Variants in PABIR3 observed in about 807,000 individuals in gnomAD.
The protein encoded by PABIR3 is PABIR family member 1.
A neutral mutation model predicts 23.1 loss-of-function variants in PABIR3; 20 were observed. The observed-to-expected ratio is 0.86, with a 90% CI of 0.61 to 1.26. The LOEUF (loss-of-function observed/expected upper bound fraction) is 1.26, where lower values mean the gene tolerates loss of function less well. Ranked by LOEUF, PABIR3 falls within the 50% of genes most tolerant of loss-of-function variation. The pLI, the probability that PABIR3 is intolerant of heterozygous loss-of-function variation, is 0.00. For missense variants in PABIR3, 189 were observed against 195.4 expected, an observed-to-expected ratio of 0.97 and a Z score of 0.20; for synonymous variants, 69 against 68.5, an observed-to-expected ratio of 1.01 and a Z score of -0.04.
the PABIR3 span, among the ~76,000 whole-genome samples, chrX:134,861,817 A>C: frequency 8.9e-6 from 1 of 111,791 alleles, no homozygotes; most frequent in Non-Finnish European, 1.9e-5. Flanking sequence ...TGGTCAAGTA[A>C]GTTTGGAAAA....
At chrX:134,824,829 A>G (rs1379798119) in intron 3 of PABIR3, among the ~76,000 whole-genome samples, 1 of 112,170 alleles carries the variant, frequency 8.9e-6, no homozygotes, top group Non-Finnish European at 1.9e-5. Flanking sequence ...AAGAAAAAAA[A>G]TAAAAGATCA....
At chrX:134,819,027 C>A (rs1044731878) in intron 3 of PABIR3, among the ~76,000 whole-genome samples, 1 of 103,620 alleles carries the variant, frequency 9.7e-6, no homozygotes, top group Admixed American at 1.1e-4. Context: ...ACCTTCGCCT[C>A]CTGGGTTCAA....
At chrX:134,843,338 C>T (rs1002310429) in intron 4 of PABIR3, among the ~76,000 whole-genome samples, 1 of 109,122 alleles carries the variant, frequency 9.2e-6, no homozygotes, top group African/African-American at 3.3e-5. Flanking sequence ...ATGTTATCTT[C>T]TAAGAGATTT....
intron 4 of PABIR3, among the ~76,000 whole-genome samples, chrX:134,830,305 T>C (rs762342554): frequency 1.7e-4 from 18 of 106,872 alleles, no homozygotes; most frequent in African/African-American, 6.2e-4. Flanking sequence ...CAAGAAAGTA[T>C]GGTAAAAATG....
intron 2 of PABIR3, among the ~76,000 whole-genome samples, chrX:134,811,503 C>T (rs1296088857): frequency 9.1e-6 from 1 of 110,382 alleles, no homozygotes; most frequent in Non-Finnish European, 1.9e-5. Context: ...ATTCTCCTGC[C>T]TCAGCCTCCG....
intron 8 of PABIR3, among the ~76,000 whole-genome samples, chrX:134,848,220 G>A (rs977362390): frequency 3.6e-5 from 4 of 109,930 alleles, no homozygotes; most frequent in African/African-American, 6.6e-5. Context: ...GAGAAACCCC[G>A]TCTCTACTAA....
chrX:134,832,491 T>A (rs1422831185), intron 4 of PABIR3, among the ~76,000 whole-genome samples: 1 of 87,983 alleles, frequency 1.1e-5, no homozygotes, highest in Non-Finnish European at 2.1e-5. Flanking sequence ...AACCTCTGCC[T>A]CCCAGGTTCA....
chrX:134,847,790 C>A, intron 7 of PABIR3, 93 bp from the exon 8 acceptor site: 1 of 692,530 alleles, frequency 1.4e-6, no homozygotes, highest in Non-Finnish European at 2.2e-6. Context: ...CCCAGTCTCC[C>A]TCCCTACCAT....
chrX:134,845,104 A>G, intron 4 of PABIR3, 101 bp from the exon 5 acceptor site: 1 of 630,114 alleles, frequency 1.6e-6, no homozygotes, highest in South Asian at 2.6e-5. Context: ...GTTCTTCTAT[A>G]GCCTAGTGAA....
chrX:134,806,920 A>C (rs2080268321), upstream of PABIR3, among the ~76,000 whole-genome samples: 1 of 110,675 alleles, frequency 9.0e-6, no homozygotes, highest in African/African-American at 3.3e-5. Context: ...AAAAATGAGA[A>C]TTAGGCATAG....
At chrX:134,851,102 TAAAAG>T (rs914845282) in intron 9 of PABIR3, among the ~76,000 whole-genome samples, 7 of 109,967 alleles carry the variant, frequency 6.4e-5, no homozygotes, top group African/African-American at 2.3e-4. Flanking sequence ...ACCATAAAAA[TAAAAG>T]AGAGGTCCTG....
chrX:134,802,697 G>A (rs867945363), upstream of PABIR3, among the ~76,000 whole-genome samples: 8 of 112,594 alleles, frequency 7.1e-5, no homozygotes, highest in Non-Finnish European at 1.1e-4. Flanking sequence ...AGACCTTTTC[G>A]CCAGAAGAGA....
chrX:134,846,445 G>T (rs139179079), intron 6 of PABIR3, among the ~76,000 whole-genome samples: 1,523 of 112,011 alleles, frequency 0.014, 24 homozygotes, highest in African/African-American at 0.046. Flanking sequence ...ATGTCTGTGT[G>T]CACACTGTGG....
Position 134,807,589 on chromosome X carries a change from C to T in PABIR3, c.-10C>T. On this transcript the variant is annotated 5_prime_UTR_variant, in exon 2 of 11. Coordinates refer to ENST00000645433, the MANE Select transcript of PABIR3 (RefSeq NM_001388447.1). The stretch of plus-strand genomic sequence containing the variant: ...CGGAAAGCCTTGAGAACTTATTCCT[C>T]GACCCGGACATGGCACAGGAGAAAA... 6.6e-6 allele frequency: 8 copies of T among 1,210,277 alleles called. No homozygotes were observed. Among genetic ancestry groups the T allele is most frequent in the Non-Finnish European group, 8.9e-6 (8 of 894,748 alleles).
At chrX:134,822,801 G>T (rs751681874) in intron 3 of PABIR3, 1 of 240,003 alleles carries the variant, frequency 4.2e-6, no homozygotes, top group Non-Finnish European at 5.8e-6. Flanking sequence ...AAGCAGAAAA[G>T]ATAACTATTA....
intron 3 of PABIR3, among the ~76,000 whole-genome samples, chrX:134,819,124 A>G (rs766176340): frequency 4.6e-4 from 50 of 108,115 alleles, no homozygotes; most frequent in African/African-American, 1.6e-3. Flanking sequence ...TTTAGTAGAG[A>G]TGGGGTTTCA....
chrX:134,857,569 T>G (rs1206274420), downstream of PABIR3, among the ~76,000 whole-genome samples: 2 of 111,942 alleles, frequency 1.8e-5, no homozygotes, highest in Non-Finnish European at 3.8e-5. Context: ...ATTTTGATTT[T>G]GCTTGTTTCA....
chrX:134,814,157 A>G (rs1454125194), intron 2 of PABIR3, among the ~76,000 whole-genome samples: 3 of 111,484 alleles, frequency 2.7e-5, no homozygotes, highest in Non-Finnish European at 3.8e-5. Flanking sequence ...TGCACGTTGT[A>G]TCTCTGACCA....
intron 6 of PABIR3, 66 bp from the exon 7 acceptor site, chrX:134,847,317 G>T (rs927470236): frequency 4.9e-6 from 4 of 812,251 alleles, no homozygotes; most frequent in African/African-American, 2.0e-5. Flanking sequence ...TGTGCAACAG[G>T]TATCTCAAGT....
Sources: gnomAD v4.1 joint callset for allele counts (sites outside exome capture counted in the v4.1 genomes callset) on GRCh38, gnomAD v4.1.1 for gene constraint, MANE v1.5 for transcripts, NCBI Gene and HGNC (gene_info 2026-07-23, HGNC 2026-07-21) for gene names.